MON2: variants seen among roughly 807,000 people sequenced by gnomAD.
MON2 encodes protein MON2 homolog.
MON2 carries 84 observed loss-of-function variants against 208.6 expected under a neutral mutation model. The observed-to-expected ratio is 0.40, with a 90% CI of 0.34 to 0.48. The LOEUF (loss-of-function observed/expected upper bound fraction) is 0.48. Ranked by LOEUF, MON2 falls within the 20% of genes least tolerant of loss-of-function variation. The probability of loss-of-function intolerance (pLI) is 0.59; values close to 1 mark genes in which losing one functional copy is unlikely to be tolerated. For missense variants in MON2, 1,611 were observed against 2,015.4 expected, an observed-to-expected ratio of 0.80 and a Z score of 3.84; for synonymous variants, 660 against 694.0, an observed-to-expected ratio of 0.95 and a Z score of 0.77.
At chr12:62,512,449 G>T (rs1419119400) in intron 8 of MON2, among the ~76,000 whole-genome samples, 1 of 152,198 alleles carries the variant, frequency 6.6e-6, no homozygotes, top group Admixed American at 6.5e-5. Flanking sequence ...ATTCAGCAGG[G>T]CGGTCAAATC....
chr12:62,469,467 A>G (rs2068679251), intron 1 of MON2, among the ~76,000 whole-genome samples: 1 of 152,202 alleles, frequency 6.6e-6, no homozygotes, highest in Non-Finnish European at 1.5e-5. Context: ...TCTCTGATGC[A>G]TAATTTTGTA....
At position 62,545,893 on chromosome 12, in the gene MON2, A is replaced by G. The variant is rs375895711; in HGVS notation, c.2577+885A>G. On this transcript the variant is annotated intron_variant, in intron 21 of 34. Coordinates refer to ENST00000393630, the MANE Select transcript of MON2 (RefSeq NM_015026.3). ...AATTTGAATTTTTTTTGAAAAAATA[A>G]TACCCTTTTCCATTTATTTTGATAT... Among the ~76,000 whole-genome samples the G allele has an allele frequency of 4.7e-4, 72 of 152,326 alleles. No individual in the cohort carries two copies. In the South Asian group the frequency reaches 7.0e-3, roughly 15 times the overall value.
chr12:62,556,329 G>A (rs999283854), intron 25 of MON2, 137 bp downstream of exon 25: 10 of 847,282 alleles, frequency 1.2e-5, no homozygotes, highest in East Asian at 5.3e-5. Context: ...GTTTTCATTC[G>A]TTTGTACCTA....
At chr12:62,585,057 C>G (rs1253160380) in intron 32 of MON2, among the ~76,000 whole-genome samples, 5 of 123,940 alleles carry the variant, frequency 4.0e-5, no homozygotes, top group East Asian at 2.5e-4. Context: ...ATTTGTTTCT[C>G]TCTACATGCA....
chr12:62,576,535 C>A (rs2136434193), intron 30 of MON2, among the ~76,000 whole-genome samples: 1 of 152,004 alleles, frequency 6.6e-6, no homozygotes, highest in South Asian at 2.1e-4. Flanking sequence ...ACAAATAACA[C>A]TTTATAAGTT....
intron 7 of MON2, among the ~76,000 whole-genome samples, chr12:62,502,230 A>C (rs887065973): frequency 6.6e-6 from 1 of 151,952 alleles, no homozygotes; most frequent in African/African-American, 2.4e-5. Context: ...AAAAAAGATA[A>C]ATAAAACAAA....
Position 62,565,306 on chromosome 12 carries a change from G to A in MON2, c.4102G>A (p.Val1368Ile). Residue 1368 changes from valine (V) to isoleucine (I), a missense_variant, in exon 27 of 35, where the codon GTA (valine) becomes ATA (isoleucine). Coordinates refer to ENST00000393630, the MANE Select transcript of MON2 (RefSeq NM_015026.3). Reference sequence around the variant, plus strand: ...TATATTTGACCAGTTGTTGGCATTTGTAGAATTTTCCTGTAAACCTCCACA... The same window carrying A: ...TATATTTGACCAGTTGTTGGCATTTATAGAATTTTCCTGTAAACCTCCACA... ...PAIFDQLLAF[V>I]EFSCKPPQYG... 6.2e-7 allele frequency: 1 copy of A among 1,613,112 alleles called. No individual in the cohort carries two copies. The highest frequency in any genetic ancestry group is 8.5e-7 in the Non-Finnish European group (1 of 1,179,328).
At chr12:62,518,149 A>G (rs1449226401) in intron 8 of MON2, among the ~76,000 whole-genome samples, 3 of 152,152 alleles carry the variant, frequency 2.0e-5, no homozygotes, top group African/African-American at 7.2e-5. Flanking sequence ...AAGCCTCTCA[A>G]GTATCTTCTT....
chr12:62,504,225 A>G lies in MON2; in HGVS notation c.789+2527A>G, dbSNP rs2070984972. 1.3e-5 allele frequency among the ~76,000 whole-genome samples: 2 copies of G among 148,592 alleles called. 1 individual carries two copies. The highest frequency in any genetic ancestry group is 3.0e-5 in the Non-Finnish European group (2 of 67,484). On this transcript the variant is annotated intron_variant, in intron 7 of 34. Transcript: ENST00000393630. Reference sequence around the variant, plus strand: ...GGAAAAGATTTGAAACCGTTTTTACAGATTTTTTTCTTTTCTTTTCTTTTT... The same window carrying G: ...GGAAAAGATTTGAAACCGTTTTTACGGATTTTTTTCTTTTCTTTTCTTTTT...
intron 33 of MON2, among the ~76,000 whole-genome samples, chr12:62,587,665 G>A (rs899254104): frequency 4.6e-5 from 7 of 151,918 alleles, no homozygotes; most frequent in South Asian, 2.1e-4. Flanking sequence ...TCACTTGAGC[G>A]CAAGTCAAGG....
In MON2 at chr12:62,599,611, T is replaced by C. The variant is rs2075589418; in HGVS notation, c.*6862T>C. ...CAAAGTAGCCTTGCAAAGAAGTTAT[T>C]TTCATTTTACAGAAGAGTCAAGGAT... is the stretch of plus-strand genomic sequence containing the variant. On this transcript the variant is annotated 3_prime_UTR_variant, in exon 35 of 35. Coordinates refer to ENST00000393630, the MANE Select transcript of MON2 (RefSeq NM_015026.3). The C allele has an allele frequency of 3.9e-5, 6 of 152,206 alleles. No homozygotes were observed. The highest frequency in any genetic ancestry group is 3.9e-4 in the Admixed American group (6 of 15,274). 9.4% of individuals were successfully genotyped at this position (152,206 alleles called of 1,614,324 possible).
intron 22 of MON2, 123 bp from the exon 23 acceptor site, chr12:62,549,545 A>AG: frequency 1.5e-6 from 1 of 682,982 alleles, no homozygotes; most frequent in South Asian, 2.8e-5. Flanking sequence ...TGATCCAGGG[A>AG]GGTTGAGAGT....
chr12:62,505,023 G>C (rs2071029485), intron 7 of MON2, among the ~76,000 whole-genome samples: 1 of 152,196 alleles, frequency 6.6e-6, no homozygotes, highest in Non-Finnish European at 1.5e-5. Context: ...AATTTGAAGA[G>C]CAGTGACCCT....
At chr12:62,512,691 TCACAGCTC>T (rs2071473305) in intron 8 of MON2, among the ~76,000 whole-genome samples, 1 of 152,184 alleles carries the variant, frequency 6.6e-6, no homozygotes, top group African/African-American at 2.4e-5. Context: ...GGCCCTCTTC[TCACAGCTC>T]CACTAGGCGG....
At position 62,596,177 on chromosome 12, in the gene MON2, A is replaced by G. The variant is rs1414851876; in HGVS notation, c.*3428A>G. 1 of 152,248 alleles carries G rather than the reference A, an allele frequency of 6.6e-6. No individual in the cohort carries two copies. The highest frequency in any genetic ancestry group is 3.2e-3 in the Middle Eastern group (1 of 316). 9.4% of individuals were successfully genotyped at this position (152,248 alleles called of 1,614,324 possible). On this transcript the variant is annotated 3_prime_UTR_variant, in exon 35 of 35. Coordinates refer to ENST00000393630, the MANE Select transcript of MON2 (RefSeq NM_015026.3). The stretch of plus-strand genomic sequence containing the variant: ...CATAAGTTATGGAACAGTGTTAGAA[A>G]ACAACTCAAAAGTATATTCTTTATT...
chr12:62,537,340 A>T, intron 15 of MON2, 77 bp downstream of exon 15: 1 of 1,002,496 alleles, frequency 1.0e-6, no homozygotes, highest in South Asian at 1.5e-5. Context: ...TGTTTGCCAA[A>T]ATGTGTCATA....
chr12:62,578,351 C>T, intron 30 of MON2, 94 bp from the exon 31 acceptor site: 1 of 797,424 alleles, frequency 1.3e-6, no homozygotes, highest in Non-Finnish European at 2.0e-6. Context: ...GGTTGGAAGA[C>T]ATAATTTTTT....
chr12:62,500,636 T>C, intron 5 of MON2, 147 bp from the exon 6 acceptor site: 1 of 483,212 alleles, frequency 2.1e-6, no homozygotes. Context: ...TTTGGAGGCA[T>C]ATGTTAACAT....
In MON2 at chr12:62,501,798, C is replaced by G. The variant is rs911580256; in HGVS notation, c.789+100C>G. The G allele has an allele frequency of 6.8e-6, 9 of 1,323,874 alleles. No homozygotes were observed. The African/African-American group carries it at 1.0e-4, about 15-fold the overall frequency. 82.0% of individuals were successfully genotyped at this position (1,323,874 alleles called of 1,614,324 possible). On this transcript the variant is annotated intron_variant, in intron 7 of 34. Coordinates refer to ENST00000393630, the MANE Select transcript of MON2 (RefSeq NM_015026.3). ...TATTTTTTTTCCACCTTAAAAGTGG[C>G]AAAGAGGCCAGAGTTGGTGGTTCAT...
Sources: gnomAD v4.1 joint callset for allele counts (sites outside exome capture counted in the v4.1 genomes callset) on GRCh38, gnomAD v4.1.1 for gene constraint, MANE v1.5 for transcripts, NCBI Gene and HGNC (gene_info 2026-07-23, HGNC 2026-07-21) for gene names.